MMGT1: variants seen among roughly 807,000 people sequenced by gnomAD.
The protein encoded by MMGT1 is ER membrane protein complex subunit 5.
In MMGT1, 2 loss-of-function variants were observed where a neutral mutation model predicts 11.7. That is an observed-to-expected ratio of 0.17 (90% CI 0.07 to 0.54). The LOEUF is 0.54. MMGT1 is among the 20% of genes least tolerant of loss of function. The pLI is 0.94. For missense variants in MMGT1, 74 were observed against 109.0 expected (o/e 0.68, Z 1.43); for synonymous variants, 49 against 44.4 (o/e 1.10, Z -0.41).
intron 2 of MMGT1, 117 bp downstream of exon 2, chrX:135,970,941 A>G (rs2089215624): frequency 8.2e-6 from 4 of 487,704 alleles, no homozygotes; most frequent in Non-Finnish European, 1.5e-5. Flanking sequence ...AAAAGTGGAG[A>G]TCAGATTTTA....
At chrX:135,970,463 G>C (rs1321404833) in intron 2 of MMGT1, among the ~76,000 whole-genome samples, 1 of 112,212 alleles carries the variant, frequency 8.9e-6, no homozygotes, top group African/African-American at 3.2e-5. Flanking sequence ...ACATAAAAAT[G>C]AACTTTTCTA....
In MMGT1 at chrX:135,962,262, T is replaced by G. The variant is rs1406325101; in HGVS notation, c.*2762A>C. On this transcript the variant is annotated 3_prime_UTR_variant, in exon 4 of 4. Coordinates refer to ENST00000305963, the MANE Select transcript of MMGT1 (RefSeq NM_173470.3). ...CTGTCAAGCCACTGAGAAGCCACAATGCTTAGAAAACAATCATTAGGGAGT... is the reference window on the plus strand; with the variant it reads ...CTGTCAAGCCACTGAGAAGCCACAAGGCTTAGAAAACAATCATTAGGGAGT... 9.0e-6 allele frequency: 1 copy of G among 111,690 alleles called. No individual in the cohort carries two copies. Among genetic ancestry groups the G allele is most frequent in the Non-Finnish European group, 1.9e-5 (1 of 53,120 alleles). The allele number at this position is 111,690 out of a possible 1,213,427, so 9.2% of individuals were successfully genotyped here.
chrX:135,968,763 C>T (rs781802694), intron 2 of MMGT1, among the ~76,000 whole-genome samples: 1 of 111,380 alleles, frequency 9.0e-6, no homozygotes, highest in Non-Finnish European at 1.9e-5. Context: ...ATTCTGACCT[C>T]AGGTGATCCG....
Position 135,965,039 on chromosome X carries a change from T to C in MMGT1, c.381A>G (p.Glu127=). Reference sequence around the variant, plus strand: ...TGTAAAAATCTTAACGACGCAGTGATTCGAGTTTTCGTAACTTCAATGATG... The same window carrying C: ...TGTAAAAATCTTAACGACGCAGTGACTCGAGTTTTCGTAACTTCAATGATG... ...SNTSLKLRKL[E]SLRR is the part of the protein sequence containing the mutation. Residue 127 remains glutamate (E), a synonymous_variant, in exon 4 of 4, where the codon GAA becomes GAG. Coordinates refer to ENST00000305963, the MANE Select transcript of MMGT1 (RefSeq NM_173470.3). 8.3e-7 allele frequency: 1 copy of C among 1,208,820 alleles called. No homozygotes were observed. The highest frequency in any genetic ancestry group is 1.1e-6 in the Non-Finnish European group (1 of 893,338).
Position 135,964,990 on chromosome X carries a change from G to A in MMGT1, c.*34C>T. The stretch of plus-strand genomic sequence containing the variant: ...CCCCAAACTCCAATATTCCAGCTCT[G>A]TGTCCTGTCCTATTATTATAATTTG... On this transcript the variant is annotated 3_prime_UTR_variant, in exon 4 of 4. Coordinates refer to ENST00000305963, the MANE Select transcript of MMGT1 (RefSeq NM_173470.3). 1 of 1,177,961 alleles carries A rather than the reference G, an allele frequency of 8.5e-7. No individual in the cohort carries two copies. The highest frequency in any genetic ancestry group is 1.2e-6 in the Non-Finnish European group (1 of 867,849).
intron 2 of MMGT1, 76 bp downstream of exon 2, chrX:135,970,982 A>T: frequency 1.4e-6 from 1 of 706,230 alleles, no homozygotes; most frequent in Non-Finnish European, 2.2e-6. Context: ...ACGAAAAACC[A>T]GTAAAAAAAA....
chrX:135,973,926 G>A lies in MMGT1; in HGVS notation c.-251C>T. ...TGCGCTATGGAGGCCTCTCTAGGAG[G>A]GCCGGAGCCCAACGGAGTCATAAAC... On this transcript the variant is annotated 5_prime_UTR_variant, in exon 1 of 4. Coordinates refer to ENST00000305963, the MANE Select transcript of MMGT1 (RefSeq NM_173470.3). 8.8e-7 allele frequency: 1 copy of A among 1,138,060 alleles called. No homozygotes were observed. Among genetic ancestry groups the A allele is most frequent in the Admixed American group, 2.7e-5 (1 of 37,025 alleles). 93.8% of individuals were successfully genotyped at this position (1,138,060 alleles called of 1,213,427 possible). A position where few individuals can be genotyped will look rare whatever the true frequency, so the allele number is the denominator to read the frequency against.
Position 135,962,332 on chromosome X carries a change from G to A in MMGT1, c.*2692C>T, listed in dbSNP as rs992649776. On this transcript the variant is annotated 3_prime_UTR_variant, in exon 4 of 4. Transcript: ENST00000305963. Reference sequence around the variant, plus strand: ...CAACTCATTGATATGCATATTCTGCGGCTGCACAGTATTTGGCTGGTTCCC... The same window carrying A: ...CAACTCATTGATATGCATATTCTGCAGCTGCACAGTATTTGGCTGGTTCCC... The A allele has an allele frequency of 3.6e-5, 4 of 111,442 alleles. No individual in the cohort carries two copies. The highest frequency in any genetic ancestry group is 6.5e-5 in the African/African-American group (2 of 30,642). 9.2% of individuals were successfully genotyped at this position (111,442 alleles called of 1,213,427 possible).
chrX:135,965,226 A>G (rs1383952165), intron 3 of MMGT1, 43 bp from the exon 4 acceptor site: 1 of 1,055,528 alleles, frequency 9.5e-7, no homozygotes, highest in Non-Finnish European at 1.3e-6. Flanking sequence ...AAACCTTTAT[A>G]AAACCCTACT....
Sources: allele counts gnomAD v4.1 joint callset (sites outside exome capture counted in the v4.1 genomes callset), GRCh38; gene constraint gnomAD v4.1.1; transcripts MANE v1.5; gene names NCBI Gene and HGNC (gene_info 2026-07-23, HGNC 2026-07-21).